Variants in LRRTM4 observed in about 807,000 individuals in gnomAD.
LRRTM4 encodes the protein leucine-rich repeat transmembrane neuronal protein 4.
Under a neutral mutation model 47.6 loss-of-function variants are expected in LRRTM4, and 25 were observed. The ratio of observed to expected loss-of-function variants is 0.53; its 90% CI spans 0.38 to 0.73. LRRTM4 has a LOEUF of 0.73. LRRTM4 is among the 30% of genes least tolerant of loss of function. The pLI, the probability that LRRTM4 is intolerant of heterozygous loss-of-function variation, is 0.00. For synonymous variants in LRRTM4, 311 were observed against 269.5 expected, an observed-to-expected ratio of 1.15 and a Z score of -1.51; for missense variants, 638 against 713.4, an observed-to-expected ratio of 0.89 and a Z score of 1.20.
intron 3 of LRRTM4, among the ~76,000 whole-genome samples, chr2:77,129,759 C>T (rs569353579): frequency 6.6e-6 from 1 of 152,290 alleles, no homozygotes; most frequent in Admixed American, 6.5e-5. Context: ...GGTGTGTTCA[C>T]TATTAAATTC....
At position 77,360,512 on chromosome 2, in the gene LRRTM4, GATACGATACGATACGATACGATACA is replaced by G. The variant is rs1336728543; in HGVS notation, c.1551+157781_1551+157805del. Among the ~76,000 whole-genome samples the G allele has an allele frequency of 1.3e-3, 197 of 150,346 alleles. 1 individual carries two copies. Among genetic ancestry groups the G allele is most frequent in the African/African-American group, 4.2e-3 (171 of 40,706 alleles). The stretch of plus-strand genomic sequence containing the variant: ...GATACGATACGATACGATACGATAC[GATACGATACGATACGATACGATACA>G]ATACAATCATTCATACATACATACA... On this transcript the variant is annotated intron_variant, in intron 3 of 3. Transcript: ENST00000409884.
chr2:76,782,160 A>G (rs988151607), intron 3 of LRRTM4, among the ~76,000 whole-genome samples: 1 of 152,224 alleles, frequency 6.6e-6, no homozygotes, highest in Non-Finnish European at 1.5e-5. Context: ...TAAATAAAAG[A>G]TAAAATGGTA....
intron 3 of LRRTM4, among the ~76,000 whole-genome samples, chr2:77,179,816 A>G (rs1207886657): frequency 6.6e-6 from 1 of 152,178 alleles, no homozygotes; most frequent in Non-Finnish European, 1.5e-5. Context: ...CATCATGACC[A>G]TAGACTAGAA....
intron 3 of LRRTM4, among the ~76,000 whole-genome samples, chr2:77,192,832 A>G (rs1673708339): frequency 6.6e-6 from 1 of 152,238 alleles, no homozygotes; most frequent in Non-Finnish European, 1.5e-5. Context: ...CATGTACAAT[A>G]TTAGAATTTT....
chr2:76,914,860 G>A (rs1674190408), intron 3 of LRRTM4, among the ~76,000 whole-genome samples: 1 of 152,102 alleles, frequency 6.6e-6, no homozygotes, highest in Admixed American at 6.5e-5. Flanking sequence ...TATTAATAAA[G>A]AGCAAAGGCT....
At chr2:77,496,976 T>C (rs141324888) in intron 3 of LRRTM4, among the ~76,000 whole-genome samples, 23 of 151,896 alleles carry the variant, frequency 1.5e-4, no homozygotes, top group African/African-American at 5.3e-4. Context: ...ATTTTTAAAA[T>C]AGACATAGGG....
intron 3 of LRRTM4, among the ~76,000 whole-genome samples, chr2:77,328,179 C>G (rs1042175370): frequency 6.6e-6 from 1 of 152,150 alleles, no homozygotes; most frequent in Admixed American, 6.5e-5. Flanking sequence ...AACTCCATAG[C>G]CTCCTTGATA....
At chr2:77,350,672 A>C (rs946614407) in intron 3 of LRRTM4, among the ~76,000 whole-genome samples, 1 of 152,290 alleles carries the variant, frequency 6.6e-6, no homozygotes, top group South Asian at 2.1e-4. Flanking sequence ...AATCCTTTAT[A>C]ATATCTACAA....
At chr2:77,262,653 A>T (rs1376002179) in intron 3 of LRRTM4, among the ~76,000 whole-genome samples, 1 of 151,776 alleles carries the variant, frequency 6.6e-6, no homozygotes. Flanking sequence ...ATTTTGTAAA[A>T]TGTCTTTCAA....
intron 3 of LRRTM4, among the ~76,000 whole-genome samples, chr2:77,055,455 C>A (rs1034777909): frequency 2.0e-5 from 3 of 152,100 alleles, no homozygotes; most frequent in Admixed American, 1.3e-4. Flanking sequence ...ACCATCACTG[C>A]CCATCAGAGA....
intron 3 of LRRTM4, among the ~76,000 whole-genome samples, chr2:77,454,303 C>A (rs1676377360): frequency 6.6e-6 from 1 of 152,184 alleles, no homozygotes; most frequent in Non-Finnish European, 1.5e-5. Flanking sequence ...TGCACTCTAT[C>A]CAGGGAATCT....
intron 3 of LRRTM4, among the ~76,000 whole-genome samples, chr2:76,954,111 A>G (rs1231092071): frequency 6.6e-6 from 1 of 151,884 alleles, no homozygotes; most frequent in East Asian, 1.9e-4. Context: ...GCCAGTCCAT[A>G]AAGACTCAGA....
At chr2:76,998,204 T>C (rs890601098) in intron 3 of LRRTM4, among the ~76,000 whole-genome samples, 3 of 152,084 alleles carry the variant, frequency 2.0e-5, no homozygotes, top group African/African-American at 7.2e-5. Context: ...CAGAAATGGT[T>C]GGGGACTGCT....
intron 3 of LRRTM4, among the ~76,000 whole-genome samples, chr2:77,513,391 G>T (rs922497442): frequency 1.3e-5 from 2 of 152,028 alleles, no homozygotes; most frequent in African/African-American, 4.8e-5. Context: ...TTTGTGTTGG[G>T]AAACACTGTG....
At chr2:77,252,899 A>T (rs1573147444) in intron 3 of LRRTM4, among the ~76,000 whole-genome samples, 1 of 152,150 alleles carries the variant, frequency 6.6e-6, no homozygotes, top group Non-Finnish European at 1.5e-5. Flanking sequence ...TCTCACCTAG[A>T]CATGTAGATG....
At chr2:77,124,403 C>T (rs555214240) in intron 3 of LRRTM4, among the ~76,000 whole-genome samples, 11 of 152,130 alleles carry the variant, frequency 7.2e-5, no homozygotes, top group African/African-American at 2.2e-4. Context: ...ACAGACAAAG[C>T]GGTATTTTAG....
chr2:77,030,157 A>G (rs752750232), intron 3 of LRRTM4, among the ~76,000 whole-genome samples: 3 of 152,176 alleles, frequency 2.0e-5, no homozygotes, highest in Non-Finnish European at 4.4e-5. Flanking sequence ...AATAGGCCGG[A>G]CATGGTGGCT....
chr2:77,341,241 T>C (rs1208505576), intron 3 of LRRTM4, among the ~76,000 whole-genome samples: 3 of 151,948 alleles, frequency 2.0e-5, no homozygotes, highest in African/African-American at 7.2e-5. Context: ...ATTTCTCTTC[T>C]CATGTTCAAA....
intron 3 of LRRTM4, among the ~76,000 whole-genome samples, chr2:76,857,324 T>C (rs1462582190): frequency 6.8e-6 from 1 of 148,134 alleles, no homozygotes; most frequent in Admixed American, 6.8e-5. Flanking sequence ...ATATATAATA[T>C]ATATATCATA....
Sources: allele counts gnomAD v4.1 joint callset (sites outside exome capture counted in the v4.1 genomes callset), GRCh38; gene constraint gnomAD v4.1.1; transcripts MANE v1.5; gene names NCBI Gene and HGNC (gene_info 2026-07-23, HGNC 2026-07-21).